The following CTXN3 variants were observed in gnomAD, a reference collection of about 807,000 sequenced individuals.
The protein encoded by CTXN3 is cortexin 3, also known as cortexin-3.
Under a neutral mutation model 5.0 loss-of-function variants are expected in CTXN3, and 4 were observed. That is an observed-to-expected ratio of 0.79 (90% confidence interval 0.39 to 1.82). The LOEUF is 1.82. Among genes scored for constraint, CTXN3 ranks in the 40% most tolerant of loss-of-function variants. CTXN3 has a pLI of 0.04. For missense variants in CTXN3, 89 were observed against 99.7 expected, an observed-to-expected ratio of 0.89 and a Z score of 0.46; for synonymous variants, 48 against 38.6, an observed-to-expected ratio of 1.24 and a Z score of -0.91.
chr5:127,649,731 A>G (rs1300628340), intron 1 of CTXN3, among the ~76,000 whole-genome samples: 1 of 151,968 alleles, frequency 6.6e-6, no homozygotes, highest in Non-Finnish European at 1.5e-5. Context: ...GTCACCTAAA[A>G]CGTCCAACCT....
rs765133215 is a variant in CTXN3 at position 127,657,543 on chromosome 5, C to T, written c.22C>T (p.Pro8Ser). Residue 8 changes from proline (P) to serine (S), a missense_variant, in exon 3 of 3, where the codon CCC (proline) becomes TCC (serine). Pro to Ser is a moderately conservative substitution (Grantham distance 74, BLOSUM62 -1). Transcript: ENST00000379445. ...GACCATGGATGGAGGACAGCCCATC[C>T]CCTCATCCCTAGTGCCCCTTGGGAA... MDGGQPI[P>S]SSLVPLGNES... is the part of the protein sequence containing the mutation. The T allele has an allele frequency of 4.3e-6, 7 of 1,614,046 alleles. No homozygotes were observed. The South Asian group carries it at 6.6e-5, about 15-fold the overall frequency.
At chr5:127,656,912 A>C (rs1357523207) in intron 2 of CTXN3, among the ~76,000 whole-genome samples, 2 of 152,168 alleles carry the variant, frequency 1.3e-5, no homozygotes, top group Non-Finnish European at 2.9e-5. Flanking sequence ...TTCTATTTTA[A>C]GCACCTTTTC....
rs1166555380 is a variant in CTXN3, at chr5:127,656,428, C to A, written c.-99-995C>A. On this transcript the variant is annotated intron_variant, in intron 2 of 2. Transcript: ENST00000379445. ...TTAGCTTGTCCTTTTCCTTCTCTTCCTCTCTACTGAATAGTCTTAAATGGT... is the reference window on the plus strand; with the variant it reads ...TTAGCTTGTCCTTTTCCTTCTCTTCATCTCTACTGAATAGTCTTAAATGGT... Among the ~76,000 whole-genome samples, 3 of 152,130 alleles carry A rather than the reference C, an allele frequency of 2.0e-5. No homozygotes were observed. In the East Asian group the frequency reaches 5.8e-4, roughly 29 times the overall value.
intron 2 of CTXN3, 143 bp from the exon 3 acceptor site, chr5:127,657,280 T>C (rs1322763282): frequency 3.4e-5 from 17 of 499,546 alleles, no homozygotes; most frequent in Non-Finnish European, 5.0e-5. Flanking sequence ...TCTTTCCCGA[T>C]AATTATACAG....
chr5:127,650,689 A>T (rs1339885746), intron 1 of CTXN3, among the ~76,000 whole-genome samples: 1 of 152,230 alleles, frequency 6.6e-6, no homozygotes, highest in African/African-American at 2.4e-5. Context: ...AGAATAATAC[A>T]CAGAATTTCT....
At chr5:127,650,792 G>A (rs544312464) in intron 1 of CTXN3, among the ~76,000 whole-genome samples, 22 of 152,280 alleles carry the variant, frequency 1.4e-4, no homozygotes, top group African/African-American at 2.6e-4. Context: ...AGTTGTGGTG[G>A]GGATGGATAA....
rs961087770 is a variant in CTXN3, at chr5:127,658,143, GGAA to G, written c.*379_*381del. On this transcript the variant is annotated 3_prime_UTR_variant, in exon 3 of 3. Transcript: ENST00000379445. ...TCATATGAATCTGGTGACAAGGCCA[GGAA>G]GAGATTTCCTTGCTCTAATTATGTC... The G allele has an allele frequency of 1.7e-5, 4 of 232,020 alleles. No individual in the cohort carries two copies. Among genetic ancestry groups the G allele is most frequent in the Non-Finnish European group, 3.7e-5 (4 of 108,694 alleles). The allele number at this position is 232,020 out of a possible 1,614,324, so 14.4% of individuals were successfully genotyped here. A position where few individuals can be genotyped will look rare whatever the true frequency, so the allele number is the denominator to read the frequency against.
rs1702968105 is a variant in CTXN3, at chr5:127,658,201, C to G, written c.*434C>G. On this transcript the variant is annotated 3_prime_UTR_variant, in exon 3 of 3. Transcript: ENST00000379445. ...TTTGTTTTATTTCATGGGCACCTAT[C>G]TGGGTCCTGAGCAGAATGAGGAAGA... 5.2e-6 allele frequency: 1 copy of G among 190,766 alleles called. No homozygotes were observed. The allele number at this position is 190,766 out of a possible 1,614,324, so 11.8% of individuals were successfully genotyped here.
At chr5:127,649,557 C>A (rs1033395112) in intron 1 of CTXN3, among the ~76,000 whole-genome samples, 169 bp downstream of exon 1, 2 of 152,132 alleles carry the variant, frequency 1.3e-5, no homozygotes, top group South Asian at 2.1e-4. Context: ...AGTTAAGAAG[C>A]GAGGGGGTAA....
chr5:127,654,284 G>C (rs1749856090), intron 2 of CTXN3, among the ~76,000 whole-genome samples: 1 of 152,062 alleles, frequency 6.6e-6, no homozygotes, highest in African/African-American at 2.4e-5. Flanking sequence ...CTCATAATTT[G>C]GTATATCAGG....
intron 2 of CTXN3, chr5:127,653,778 A>G (rs922312805): frequency 1.3e-5 from 2 of 152,182 alleles, no homozygotes; most frequent in African/African-American, 4.8e-5. Context: ...TCGGTAAATT[A>G]TTGATTAGCT....
At chr5:127,649,836 G>A (rs1749747615) in intron 1 of CTXN3, among the ~76,000 whole-genome samples, 1 of 152,020 alleles carries the variant, frequency 6.6e-6, no homozygotes, top group African/African-American at 2.4e-5. Context: ...CTGATAAGCT[G>A]TGTGCAGCAC....
chr5:127,650,167 A>G (rs1389837983), intron 1 of CTXN3, among the ~76,000 whole-genome samples: 1 of 152,108 alleles, frequency 6.6e-6, no homozygotes, highest in Non-Finnish European at 1.5e-5. Flanking sequence ...CCAGAGCTTA[A>G]AAGCAGCAGT....
chr5:127,653,496 A>G (rs1424812641), intron 2 of CTXN3, 73 bp downstream of exon 2: 1 of 152,186 alleles, frequency 6.6e-6, no homozygotes, highest in African/African-American at 2.4e-5. Context: ...TGATGGTGGT[A>G]TCAAAATCCT....
chr5:127,653,553 G>T (rs562102080), intron 2 of CTXN3, 130 bp downstream of exon 2: 1 of 152,148 alleles, frequency 6.6e-6, no homozygotes. Context: ...CTAAAAGAAA[G>T]ATGTCATTAT....
In CTXN3 at chr5:127,657,372, A is replaced by T. The variant is rs144798180; in HGVS notation, c.-99-51A>T. 176 of 831,000 alleles carry T rather than the reference A, an allele frequency of 2.1e-4. 1 individual carries two copies. The African/African-American group carries it at 2.5e-3, about 12-fold the overall frequency. 51.5% of individuals were successfully genotyped at this position (831,000 alleles called of 1,614,324 possible). A position where few individuals can be genotyped will look rare whatever the true frequency, so the allele number is the denominator to read the frequency against. Reference sequence around the variant, plus strand: ...AAAAATATGACTGTGAACCTAAAAAAATAAGGCTGCTATTTTATAGGTATT... The same window carrying T: ...AAAAATATGACTGTGAACCTAAAAATATAAGGCTGCTATTTTATAGGTATT... On this transcript the variant is annotated intron_variant, in intron 2 of 2. Coordinates refer to ENST00000379445, the MANE Select transcript of CTXN3 (RefSeq NM_001048252.3).
rs1044161577 is a variant in CTXN3, at chr5:127,658,349, T to G, written c.*582T>G. ...GTAAATGTGAGTGAGAATAGCGTTT[T>G]GTTTTTCAAGTAAAACTTAATTCAA... On this transcript the variant is annotated 3_prime_UTR_variant, in exon 3 of 3. Coordinates refer to ENST00000379445, the MANE Select transcript of CTXN3 (RefSeq NM_001048252.3). The G allele has an allele frequency of 2.5e-4, 42 of 167,566 alleles. No individual in the cohort carries two copies. Among genetic ancestry groups the G allele is most frequent in the Non-Finnish European group, 4.4e-5 (3 of 68,474 alleles). The allele number at this position is 167,566 out of a possible 1,614,324, so 10.4% of individuals were successfully genotyped here.
Position 127,657,824 on chromosome 5 carries a change from G to C in CTXN3, c.*57G>C. Reference sequence around the variant, plus strand: ...ATGAAGTGCTTTGTGTCTTGGTGAGGATTCCCTTTATTTAGTGTTCTCAAC... The same window carrying C: ...ATGAAGTGCTTTGTGTCTTGGTGAGCATTCCCTTTATTTAGTGTTCTCAAC... On this transcript the variant is annotated 3_prime_UTR_variant, in exon 3 of 3. Transcript: ENST00000379445. 6.3e-7 allele frequency: 1 copy of C among 1,595,584 alleles called. No homozygotes were observed. Among genetic ancestry groups the C allele is most frequent in the East Asian group, 2.2e-5 (1 of 44,660 alleles).
intron 1 of CTXN3, 83 bp from the exon 2 acceptor site, chr5:127,653,234 G>A (rs976258784): frequency 2.6e-5 from 4 of 152,220 alleles, no homozygotes; most frequent in Non-Finnish European, 4.4e-5. Flanking sequence ...AGTATCACAA[G>A]GGAGCTTGAC....
Sources: gnomAD v4.1 joint callset for allele counts (sites outside exome capture counted in the v4.1 genomes callset) on GRCh38, gnomAD v4.1.1 for gene constraint, MANE v1.5 for transcripts, NCBI Gene and HGNC (gene_info 2026-07-23, HGNC 2026-07-21) for gene names.